Variants in MFHAS1 observed in about 807,000 individuals in gnomAD.
The protein encoded by MFHAS1 is multifunctional ROCO family signaling regulator 1.
A neutral mutation model predicts 70.4 loss-of-function variants in MFHAS1; 50 were observed. The ratio of observed to expected loss-of-function variants is 0.71; its 90% CI spans 0.57 to 0.90. The LOEUF is 0.90. Among genes scored for constraint, MFHAS1 ranks in the 40% least tolerant of loss-of-function variants. The pLI is 0.00. For synonymous variants in MFHAS1, 952 were observed against 620.0 expected, an observed-to-expected ratio of 1.54 and a Z score of -7.96; for missense variants, 1,795 against 1,347.6, an observed-to-expected ratio of 1.33 and a Z score of -5.20.
intron 1 of MFHAS1, among the ~76,000 whole-genome samples, chr8:8,813,313 T>C (rs1410090093): frequency 6.6e-6 from 1 of 151,544 alleles, no homozygotes; most frequent in African/African-American, 2.4e-5. Flanking sequence ...CTTACTATAC[T>C]ATACTTTTTA....
chr8:8,808,300 C>G (rs1380369624), intron 1 of MFHAS1, among the ~76,000 whole-genome samples: 1 of 152,010 alleles, frequency 6.6e-6, no homozygotes, highest in Admixed American at 6.6e-5. Context: ...TGTCCCCACA[C>G]TGTAGACGCT....
At chr8:8,845,532 G>T (rs1462199106) in intron 1 of MFHAS1, among the ~76,000 whole-genome samples, 1 of 152,158 alleles carries the variant, frequency 6.6e-6, no homozygotes, top group Non-Finnish European at 1.5e-5. Flanking sequence ...TTCATTAAAT[G>T]GCCTTTGACA....
At position 8,890,527 on chromosome 8, in the gene MFHAS1, G is replaced by A; in HGVS notation, c.2532C>T (p.Ser844=). 1 of 1,613,474 alleles carries A rather than the reference G, an allele frequency of 6.2e-7. No individual in the cohort carries two copies. Among genetic ancestry groups the A allele is most frequent in the Non-Finnish European group, 8.5e-7 (1 of 1,180,048 alleles). Residue 844 remains serine (S), a synonymous_variant, in exon 1 of 3, where the codon TCC becomes TCT. Coordinates refer to ENST00000276282, the MANE Select transcript of MFHAS1 (RefSeq NM_004225.3). ...AGCATGGGAACTTGTACCAAGCTGT[G>A]GACCCATTCAAAGGCTTGCCCTTGG... ...NKPKGKPLNG[S]TAWYKFPCYV... is the part of the protein sequence containing the mutation.
chr8:8,790,389 A>C (rs775501125), intron 2 of MFHAS1: 2 of 985,092 alleles, frequency 2.0e-6, no homozygotes, highest in South Asian at 4.7e-5. Context: ...TAAGGAAAAG[A>C]AGCACTATCT....
intron 1 of MFHAS1, among the ~76,000 whole-genome samples, chr8:8,873,408 A>T (rs1214877770): frequency 2.0e-5 from 3 of 152,222 alleles, no homozygotes; most frequent in Non-Finnish European, 4.4e-5. Flanking sequence ...GTTAGCTTGA[A>T]ATAAATATAT....
intron 2 of MFHAS1, among the ~76,000 whole-genome samples, chr8:8,792,325 G>A (rs1805745604): frequency 6.6e-6 from 1 of 152,062 alleles, no homozygotes; most frequent in African/African-American, 2.4e-5. Context: ...TTATTGGCCG[G>A]GCGCGTGGCT....
chr8:8,875,645 C>G (rs1385716893), intron 1 of MFHAS1, among the ~76,000 whole-genome samples: 1 of 152,102 alleles, frequency 6.6e-6, no homozygotes, highest in Non-Finnish European at 1.5e-5. Flanking sequence ...GGCTGGAGTA[C>G]AGTGGCACGA....
At chr8:8,875,653 C>G (rs758871323) in intron 1 of MFHAS1, among the ~76,000 whole-genome samples, 1 of 152,190 alleles carries the variant, frequency 6.6e-6, no homozygotes, top group East Asian at 1.9e-4. Flanking sequence ...TACAGTGGCA[C>G]GATCTCAGCT....
chr8:8,821,257 G>C (rs986559796), intron 1 of MFHAS1, among the ~76,000 whole-genome samples: 5 of 152,216 alleles, frequency 3.3e-5, no homozygotes, highest in Non-Finnish European at 7.3e-5. Flanking sequence ...TAAGGCCCCT[G>C]TGGCAGGAGG....
At chr8:8,874,092 CA>C (rs1204190556) in intron 1 of MFHAS1, among the ~76,000 whole-genome samples, 1 of 152,100 alleles carries the variant, frequency 6.6e-6, no homozygotes, top group South Asian at 2.1e-4. Flanking sequence ...TAGGTCCCAC[CA>C]CTTTGATTTA....
At chr8:8,876,277 T>A (rs1454221096) in intron 1 of MFHAS1, among the ~76,000 whole-genome samples, 1 of 152,044 alleles carries the variant, frequency 6.6e-6, no homozygotes, top group African/African-American at 2.4e-5. Flanking sequence ...CTACACAAAA[T>A]CCCAACTGTT....
intron 1 of MFHAS1, among the ~76,000 whole-genome samples, chr8:8,878,690 A>G (rs1463250435): frequency 6.6e-6 from 1 of 151,872 alleles, no homozygotes; most frequent in East Asian, 1.9e-4. Flanking sequence ...AAAGGAAAAA[A>G]GGAGGGAAGG....
intron 1 of MFHAS1, among the ~76,000 whole-genome samples, chr8:8,835,469 C>G (rs548739954): frequency 6.6e-6 from 1 of 152,238 alleles, no homozygotes; most frequent in East Asian, 1.9e-4. Flanking sequence ...TATCACAGCT[C>G]ACACTCAGGA....
chr8:8,874,620 G>T (rs1053003483), intron 1 of MFHAS1, among the ~76,000 whole-genome samples: 5 of 152,104 alleles, frequency 3.3e-5, no homozygotes, highest in African/African-American at 1.2e-4. Flanking sequence ...TCCACATATG[G>T]ATAGCACTTT....
In MFHAS1 at chr8:8,789,567, G is replaced by A. The variant is rs560279133; in HGVS notation, c.3126-3512C>T. ...CAAAGAAATTATGACGCAAGGTACC[G>A]AGACACTTAGGCTGAAACTGAAGCC... On this transcript the variant is annotated intron_variant, in intron 2 of 2. Coordinates refer to ENST00000276282, the MANE Select transcript of MFHAS1 (RefSeq NM_004225.3). Among the ~76,000 whole-genome samples the A allele has an allele frequency of 7.2e-5, 11 of 152,264 alleles. No individual in the cohort carries two copies. In the East Asian group the frequency reaches 9.7e-4, roughly 13 times the overall value.
intron 1 of MFHAS1, among the ~76,000 whole-genome samples, chr8:8,806,971 A>G (rs986918513): frequency 3.3e-5 from 5 of 152,018 alleles, no homozygotes; most frequent in Admixed American, 2.6e-4. Flanking sequence ...AAAAAAAAAA[A>G]GAAAACACAG....
intron 1 of MFHAS1, among the ~76,000 whole-genome samples, chr8:8,823,340 C>A (rs1243342247): frequency 6.6e-6 from 1 of 152,014 alleles, no homozygotes; most frequent in African/African-American, 2.4e-5. Flanking sequence ...CTGTGAAGGC[C>A]CGGTGGGCAT....
chr8:8,832,594 C>T (rs1232566605), intron 1 of MFHAS1, among the ~76,000 whole-genome samples: 1 of 150,078 alleles, frequency 6.7e-6, no homozygotes, highest in African/African-American at 2.4e-5. Context: ...ATACCAAGTA[C>T]TGATGAACAT....
chr8:8,820,323 T>C (rs73519999), intron 1 of MFHAS1, among the ~76,000 whole-genome samples: 9,791 of 151,978 alleles, frequency 0.064, 742 homozygotes, highest in African/African-American at 0.18. Context: ...CTGTGTGCCC[T>C]TCCCTACACC....
Sources: allele counts gnomAD v4.1 joint callset (sites outside exome capture counted in the v4.1 genomes callset), GRCh38; gene constraint gnomAD v4.1.1; transcripts MANE v1.5; gene names NCBI Gene and HGNC (gene_info 2026-07-23, HGNC 2026-07-21).